The following UFSP2 variants were observed in gnomAD, a reference collection of about 807,000 sequenced individuals.
The protein encoded by UFSP2 is UFM1 specific peptidase 2, also known as ufm1-specific protease 2.
In UFSP2, 43 loss-of-function variants were observed where a neutral mutation model predicts 60.2. The ratio of observed to expected loss-of-function variants is 0.71; its 90% CI spans 0.56 to 0.92. The LOEUF (loss-of-function observed/expected upper bound fraction) is 0.92. Ranked by LOEUF, UFSP2 falls within the 40% of genes least tolerant of loss-of-function variation. The pLI is 0.00. For synonymous variants in UFSP2, 183 were observed against 195.1 expected, an observed-to-expected ratio of 0.94 and a Z score of 0.52; for missense variants, 520 against 575.0, an observed-to-expected ratio of 0.90 and a Z score of 0.98.
Position 185,425,915 on chromosome 4 carries a change from T to C in UFSP2, c.-47A>G, listed in dbSNP as rs1580094614. On this transcript the variant is annotated 5_prime_UTR_variant, in exon 1 of 12. Transcript: ENST00000264689. ...CGGGCGCTGACGCCTGCCCAAAAGT[T>C]CCGGGGGCCGGCCCTGAAGTGGTGT... 1 of 1,576,600 alleles carries C rather than the reference T, an allele frequency of 6.3e-7. No individual in the cohort carries two copies. Among genetic ancestry groups the C allele is most frequent in the Non-Finnish European group, 8.6e-7 (1 of 1,161,528 alleles).
chr4:185,418,248 ATTAT>A (rs1373051030), intron 4 of UFSP2, among the ~76,000 whole-genome samples, 189 bp downstream of exon 4: 2 of 152,168 alleles, frequency 1.3e-5, no homozygotes, highest in Non-Finnish European at 2.9e-5. Context: ...CCCTTTTGAG[ATTAT>A]GTATTATAAT....
chr4:185,408,536 G>T, intron 7 of UFSP2, 101 bp from the exon 8 acceptor site: 2 of 1,191,644 alleles, frequency 1.7e-6, no homozygotes, highest in Non-Finnish European at 2.3e-6. Context: ...GAGTTAGACT[G>T]TTACTTTAGT....
intron 2 of UFSP2, among the ~76,000 whole-genome samples, chr4:185,420,858 A>G (rs553453745): frequency 6.6e-6 from 1 of 152,340 alleles, no homozygotes; most frequent in East Asian, 1.9e-4. Context: ...CAAATATATT[A>G]ATTACTAGGT....
chr4:185,404,441 G>A (rs1011114952), intron 10 of UFSP2, among the ~76,000 whole-genome samples: 3 of 151,268 alleles, frequency 2.0e-5, no homozygotes, highest in African/African-American at 2.4e-5. Flanking sequence ...GACTACAGGC[G>A]CACACCAGCA....
intron 10 of UFSP2, among the ~76,000 whole-genome samples, chr4:185,404,293 G>GTTTTTT (rs70962562): frequency 3.7e-5 from 3 of 80,480 alleles, no homozygotes; most frequent in African/African-American, 8.4e-5. Flanking sequence ...CATTCATTAA[G>GTTTTTT]TTTTTTTTTT....
At chr4:185,409,333 C>A (rs908239237) in intron 7 of UFSP2, among the ~76,000 whole-genome samples, 4 of 152,112 alleles carry the variant, frequency 2.6e-5, no homozygotes, top group African/African-American at 9.6e-5. Flanking sequence ...ATGTATATGT[C>A]TTTTTTTATT....
intron 1 of UFSP2, among the ~76,000 whole-genome samples, chr4:185,423,005 TA>T (rs2095552316): frequency 6.6e-6 from 1 of 152,156 alleles, no homozygotes; most frequent in African/African-American, 2.4e-5. Context: ...ATTACAGGCA[TA>T]CACCACCACG....
At chr4:185,421,577 C>T (rs1230292859) in intron 2 of UFSP2, among the ~76,000 whole-genome samples, 1 of 152,190 alleles carries the variant, frequency 6.6e-6, no homozygotes, top group African/African-American at 2.4e-5. Flanking sequence ...CTTTGCCTTC[C>T]ACCATGATTG....
intron 7 of UFSP2, among the ~76,000 whole-genome samples, 169 bp from the exon 8 acceptor site, chr4:185,408,604 T>C (rs1048690993): frequency 3.3e-5 from 5 of 152,248 alleles, no homozygotes; most frequent in Non-Finnish European, 7.3e-5. Context: ...CTTGGCTTTT[T>C]ATTTGAGGTT....
chr4:185,408,564 T>C, intron 7 of UFSP2, 129 bp from the exon 8 acceptor site: 1 of 954,790 alleles, frequency 1.0e-6, no homozygotes, highest in South Asian at 1.8e-5. Flanking sequence ...AAAAATGCCT[T>C]CACAGATCTA....
chr4:185,419,875 G>A (rs1254823301), intron 2 of UFSP2, among the ~76,000 whole-genome samples: 1 of 152,084 alleles, frequency 6.6e-6, no homozygotes, highest in Non-Finnish European at 1.5e-5. Context: ...ATGAACATCT[G>A]TGCATAAGTT....
chr4:185,422,572 AATAAAG>A lies in UFSP2; in HGVS notation c.4-15_4-10del, dbSNP rs760476487. 2.5e-5 allele frequency: 40 copies of A among 1,575,672 alleles called. No homozygotes were observed. The highest frequency in any genetic ancestry group is 2.7e-5 in the Non-Finnish European group (31 of 1,161,496). ...ATACTTTCTGAAATCACCTAGAACA[AATAAAG>A]ATAAAGACAAACTCCCTTGTAAAAC... On this transcript the variant is annotated splice_polypyrimidine_tract_variant and intron_variant, in intron 1 of 11. Coordinates refer to ENST00000264689, the MANE Select transcript of UFSP2 (RefSeq NM_018359.5).
In UFSP2 at chr4:185,400,607, T is replaced by C. The variant is rs542776845; in HGVS notation, c.1324-129A>G. ...CTAAATGGCTTTATCATTCAAGGAT[T>C]TGAATTCCTACTAGCATAGAAAAGT... On this transcript the variant is annotated intron_variant, in intron 11 of 11. Coordinates refer to ENST00000264689, the MANE Select transcript of UFSP2 (RefSeq NM_018359.5). 8.8e-6 allele frequency: 5 copies of C among 568,126 alleles called. 1 individual carries two copies. Among genetic ancestry groups the C allele is most frequent in the East Asian group, 6.0e-5 (2 of 33,154 alleles). 35.2% of individuals were successfully genotyped at this position (568,126 alleles called of 1,614,324 possible).
At chr4:185,418,854 T>C (rs995227882) in intron 2 of UFSP2, 84 bp from the exon 3 acceptor site, 105 of 1,095,658 alleles carry the variant, frequency 9.6e-5, no homozygotes, top group South Asian at 2.9e-4. Flanking sequence ...AAGTAGAGCA[T>C]AGTAAAACTC....
chr4:185,408,241 GATTATAATTTA>G lies in UFSP2; in HGVS notation c.996+19_996+29del. The G allele has an allele frequency of 6.2e-7, 1 of 1,603,564 alleles. No homozygotes were observed. Among genetic ancestry groups the G allele is most frequent in the South Asian group, 1.1e-5 (1 of 90,726 alleles). On this transcript the variant is annotated intron_variant, in intron 8 of 11. Transcript: ENST00000264689. Reference sequence around the variant, plus strand: ...TTAAGGGCTAATGAAACATACAGTTGATTATAATTTAAAACGGTATGTTCTGTACCTGCTGA... The same window carrying G: ...TTAAGGGCTAATGAAACATACAGTTGAAACGGTATGTTCTGTACCTGCTGA...
intron 4 of UFSP2, among the ~76,000 whole-genome samples, chr4:185,417,452 G>C (rs1334203248): frequency 6.6e-6 from 1 of 152,120 alleles, no homozygotes; most frequent in African/African-American, 2.4e-5. Context: ...ACCCACACAA[G>C]AAACTGATCT....
intron 4 of UFSP2, among the ~76,000 whole-genome samples, chr4:185,417,439 T>C (rs1349132281): frequency 2.0e-5 from 3 of 152,220 alleles, no homozygotes; most frequent in African/African-American, 7.2e-5. Context: ...ACCTTCCATC[T>C]TTACCCACAC....
At chr4:185,412,789 C>T (rs571925010) in intron 7 of UFSP2, among the ~76,000 whole-genome samples, 11 of 152,144 alleles carry the variant, frequency 7.2e-5, no homozygotes, top group Non-Finnish European at 7.4e-5. Flanking sequence ...CTGAAGACAC[C>T]TGCTAGTCAC....
intron 4 of UFSP2, 136 bp from the exon 5 acceptor site, chr4:185,416,003 G>T: frequency 1.6e-6 from 1 of 641,922 alleles, no homozygotes; most frequent in Non-Finnish European, 2.5e-6. Context: ...TAGTGAAAAG[G>T]GGGAAAGAGT....
Sources: allele counts gnomAD v4.1 joint callset (sites outside exome capture counted in the v4.1 genomes callset), GRCh38; gene constraint gnomAD v4.1.1; transcripts MANE v1.5; gene names NCBI Gene and HGNC (gene_info 2026-07-23, HGNC 2026-07-21).